Variants in STK3 observed in about 807,000 individuals in gnomAD.
STK3 encodes serine/threonine-protein kinase 3.
Under a neutral mutation model 58.0 loss-of-function variants are expected in STK3, and 41 were observed. That is an observed-to-expected ratio of 0.71 (90% confidence interval 0.55 to 0.92). The LOEUF (loss-of-function observed/expected upper bound fraction) is 0.92. STK3 is among the 40% of genes least tolerant of loss of function. The pLI is 0.00. For synonymous variants in STK3, 170 were observed against 191.0 expected (o/e 0.89, Z 0.91); for missense variants, 479 against 602.7 (o/e 0.79, Z 2.15).
intron 1 of STK3, among the ~76,000 whole-genome samples, chr8:98,818,218 C>T (rs954892320): frequency 4.6e-5 from 7 of 152,236 alleles, no homozygotes; most frequent in African/African-American, 1.7e-4. Context: ...GTTTCACCAT[C>T]TTTCTCTACA....
chr8:98,701,668 ACACACACACACT>A (rs1825635642), intron 6 of STK3, among the ~76,000 whole-genome samples: 1 of 140,622 alleles, frequency 7.1e-6, no homozygotes, highest in Admixed American at 7.2e-5. Flanking sequence ...ACATATATAT[ACACACACACACT>A]CACACACACA....
intron 6 of STK3, among the ~76,000 whole-genome samples, chr8:98,603,603 G>A (rs1032299912): frequency 1.3e-5 from 2 of 152,142 alleles, no homozygotes; most frequent in African/African-American, 4.8e-5. Flanking sequence ...AAAATACACA[G>A]TAACTGAAAT....
In STK3 at chr8:98,428,027, C is replaced by A. The variant is rs140515528; in HGVS notation, n.483+6100G>T. 2.0e-5 allele frequency: 32 copies of A among 1,603,684 alleles called. No individual in the cohort carries two copies. Among genetic ancestry groups the A allele is most frequent in the Non-Finnish European group, 8.5e-7 (1 of 1,174,478 alleles). On this transcript the variant is annotated intron_variant and non_coding_transcript_variant, in intron 3 of 3. Transcript: ENST00000517832. The surrounding 1 kb of genome is among the most constrained non-coding windows in gnomAD (Gnocchi z 6.7). Reference sequence around the variant, plus strand: ...ACGTGTCGGAGGCTAACGTCGAGGACGGGGAGATCCGCATCAATGTGGGCG... The same window carrying A: ...ACGTGTCGGAGGCTAACGTCGAGGAAGGGGAGATCCGCATCAATGTGGGCG...
At chr8:98,470,976 T>C (rs16897028) in intron 10 of STK3, among the ~76,000 whole-genome samples, 4,469 of 152,276 alleles carry the variant, frequency 0.029, 107 homozygotes, top group South Asian at 0.063. Context: ...TAAATGATCC[T>C]AAATCAACTG....
chr8:98,586,064 T>G (rs1230825371), intron 7 of STK3, among the ~76,000 whole-genome samples: 2 of 152,192 alleles, frequency 1.3e-5, no homozygotes, highest in East Asian at 3.8e-4. Context: ...TGACTTCCTC[T>G]TTTTCTAATT....
intron 3 of STK3, among the ~76,000 whole-genome samples, chr8:98,852,924 T>A (rs1642324602): frequency 6.6e-6 from 1 of 152,190 alleles, no homozygotes; most frequent in Admixed American, 6.5e-5. Flanking sequence ...TTTATTCATT[T>A]AATGGATTTA....
intron 8 of STK3, among the ~76,000 whole-genome samples, chr8:98,563,234 A>G (rs938925884): frequency 6.6e-6 from 1 of 152,118 alleles, no homozygotes; most frequent in Non-Finnish European, 1.5e-5. Flanking sequence ...ATACATGTAT[A>G]CTGGAGTTGA....
chr8:98,820,143 T>C (rs561573351), intron 1 of STK3, among the ~76,000 whole-genome samples: 49 of 152,350 alleles, frequency 3.2e-4, no homozygotes, highest in Non-Finnish European at 4.1e-4. Flanking sequence ...TTTGCCCTTA[T>C]GAAATTAGTG....
Position 98,859,314 on chromosome 8 carries a change from A to G in STK3, c.110+24333T>C, listed in dbSNP as rs184342195. Reference sequence around the variant, plus strand: ...AAAGACAGTAAAATCTCTACATTTGAAAATGATACTACATTTTTATGGGGA... The same window carrying G: ...AAAGACAGTAAAATCTCTACATTTGGAAATGATACTACATTTTTATGGGGA... On this transcript the variant is annotated intron_variant, in intron 3 of 12. Coordinates refer to the STK3 transcript ENST00000523601. 3.7e-3 allele frequency among the ~76,000 whole-genome samples: 562 copies of G among 152,364 alleles called. 2 individuals are homozygous for G. Among genetic ancestry groups the G allele is most frequent in the African/African-American group, 0.012 (494 of 41,582 alleles).
At chr8:98,935,051 C>G (rs1840147436) in intron 1 of STK3, among the ~76,000 whole-genome samples, 1 of 151,936 alleles carries the variant, frequency 6.6e-6, no homozygotes. Context: ...TAATAGAAGT[C>G]TGAATTTAAA....
chr8:98,767,180 T>G (rs1174495624), intron 3 of STK3, 63 bp downstream of exon 3: 1 of 1,452,254 alleles, frequency 6.9e-7, no homozygotes, highest in Non-Finnish European at 9.1e-7. Context: ...ATAAATTTTG[T>G]TATATTTTAT....
In STK3 at chr8:98,502,231, C is replaced by T. The variant is rs569846371; in HGVS notation, c.1317+24511G>A. On this transcript the variant is annotated intron_variant, in intron 10 of 10. Coordinates refer to ENST00000419617, the MANE Select transcript of STK3 (RefSeq NM_006281.4). ...TGTCTGTTATTGGTGTATAGGAATG[C>T]TTGTGATTTTTGCACATTGATTTTG... Among the ~76,000 whole-genome samples, 6 of 152,236 alleles carry T rather than the reference C, an allele frequency of 3.9e-5. No individual in the cohort carries two copies. The South Asian group carries it at 6.2e-4, about 16-fold the overall frequency.
At chr8:98,458,836 T>C (rs1336855695) in intron 10 of STK3, among the ~76,000 whole-genome samples, 3 of 152,208 alleles carry the variant, frequency 2.0e-5, no homozygotes, top group African/African-American at 7.2e-5. Flanking sequence ...ATTGTAAATT[T>C]CCTGAGGCCT....
intron 3 of STK3, among the ~76,000 whole-genome samples, chr8:98,839,053 G>T (rs972506853): frequency 1.3e-5 from 2 of 151,380 alleles, no homozygotes; most frequent in African/African-American, 2.4e-5. Flanking sequence ...GATTTTTGGG[G>T]GGGGGCGGTT....
intron 4 of STK3, among the ~76,000 whole-genome samples, chr8:98,739,312 G>C (rs1828959174): frequency 1.3e-5 from 2 of 152,208 alleles, no homozygotes. Flanking sequence ...CCTGACCCCT[G>C]ACCCTGGAGC....
chr8:98,833,942 T>G (rs1002844657), intron 3 of STK3, among the ~76,000 whole-genome samples: 1 of 152,076 alleles, frequency 6.6e-6, no homozygotes, highest in Non-Finnish European at 1.5e-5. Flanking sequence ...TCCCTGAAGT[T>G]TATGGCAAAG....
At chr8:98,467,827 T>A (rs1168488757) in intron 10 of STK3, among the ~76,000 whole-genome samples, 3 of 152,212 alleles carry the variant, frequency 2.0e-5, no homozygotes, top group Non-Finnish European at 4.4e-5. Flanking sequence ...TGAGGAAACA[T>A]GCATGGAGTG....
At chr8:98,604,122 G>A (rs538932515) in intron 6 of STK3, among the ~76,000 whole-genome samples, 98 of 152,314 alleles carry the variant, frequency 6.4e-4, no homozygotes, top group African/African-American at 2.2e-3. Context: ...AGGGCCATGA[G>A]CCAAAGAATG....
intron 6 of STK3, among the ~76,000 whole-genome samples, chr8:98,618,204 G>A (rs1163533243): frequency 4.0e-5 from 6 of 151,458 alleles, no homozygotes; most frequent in Non-Finnish European, 8.8e-5. Flanking sequence ...CAGAGCCAAA[G>A]ACAAAAACCA....
Sources: gnomAD v4.1 joint callset for allele counts (sites outside exome capture counted in the v4.1 genomes callset) on GRCh38, gnomAD v4.1.1 for gene constraint, Gnocchi (gnomAD v3.1) non-coding constraint, MANE v1.5 for transcripts, NCBI Gene and HGNC (gene_info 2026-07-23, HGNC 2026-07-21) for gene names.